DNAH8: variants seen among roughly 807,000 people sequenced by gnomAD.
DNAH8 encodes dynein axonemal heavy chain 8.
DNAH8 carries 382 observed loss-of-function variants against 562.1 expected under a neutral mutation model. The observed-to-expected ratio is 0.68, with a 90% CI of 0.63 to 0.74. The LOEUF is 0.74. Ranked by LOEUF, DNAH8 falls within the 30% of genes least tolerant of loss-of-function variation. The pLI is 0.00. For synonymous variants in DNAH8, 1,881 were observed against 1,919.4 expected (o/e 0.98, Z 0.52); for missense variants, 5,203 against 5,620.4 (o/e 0.93, Z 2.37).
rs189023122 is a variant in DNAH8 at position 39,008,899 on chromosome 6, C to T, written c.13300C>T (p.Arg4434Trp). Residue 4434 changes from arginine to tryptophan, a missense_variant, in exon 89 of 93, where the codon CGG becomes TGG. Arg to Trp is a moderately radical substitution (Grantham distance 101, BLOSUM62 -3). Coordinates refer to ENST00000327475, the MANE Select transcript of DNAH8 (RefSeq NM_001206927.2). ...KESGGGVGET[R>W]EAIVYRLSED... ...GAGTGGAGGTGGTGTGGGAGAGACC[C>T]GGGAGGCTATTGTTTATAGATTATC... is the stretch of plus-strand genomic sequence containing the variant. 5.1e-4 allele frequency: 814 copies of T among 1,607,380 alleles called. 1 individual carries two copies. Among genetic ancestry groups the T allele is most frequent in the Non-Finnish European group, 5.6e-4 (654 of 1,174,208 alleles).
chr6:38,771,811 T>C (rs1767603035), intron 12 of DNAH8, among the ~76,000 whole-genome samples: 1 of 152,202 alleles, frequency 6.6e-6, no homozygotes, highest in African/African-American at 2.4e-5. Context: ...TGGGATTATT[T>C]CCTCTTTTTG....
chr6:39,009,029 T>G (rs895067711), intron 89 of DNAH8, 59 bp downstream of exon 89: 1 of 1,258,502 alleles, frequency 7.9e-7, no homozygotes, highest in Admixed American at 2.2e-5. Context: ...AAACAGTAAG[T>G]TTGATTACCT....
At chr6:38,913,244 T>C (rs1273210934) in intron 66 of DNAH8, among the ~76,000 whole-genome samples, 2 of 152,178 alleles carry the variant, frequency 1.3e-5, no homozygotes, top group African/African-American at 4.8e-5. Context: ...ACTACAGAAA[T>C]TGGACAATAT....
chr6:38,984,923 C>G (rs149230068), intron 87 of DNAH8, among the ~76,000 whole-genome samples: 6 of 152,326 alleles, frequency 3.9e-5, no homozygotes, highest in Non-Finnish European at 5.9e-5. Context: ...GCCTCTCCCC[C>G]ACTGCCCCTC....
chr6:38,983,740 T>G (rs1249535027), intron 86 of DNAH8, among the ~76,000 whole-genome samples: 1 of 152,202 alleles, frequency 6.6e-6, no homozygotes, highest in Non-Finnish European at 1.5e-5. Flanking sequence ...GGCAGAGGAT[T>G]GCATTGAGGA....
chr6:38,933,336 T>C (rs147856385), intron 76 of DNAH8, among the ~76,000 whole-genome samples: 2 of 152,250 alleles, frequency 1.3e-5, no homozygotes, highest in African/African-American at 4.8e-5. Flanking sequence ...GAGAAAAAAA[T>C]GCACATTTAA....
rs142545085 is a variant in DNAH8, at chr6:38,919,916, C to T, written c.10525-1453C>T. ...ACATACACATGAAATTTAAGGAAAT[C>T]GGAATAGAGCCAATAAAAATAACAT... On this transcript the variant is annotated intron_variant, in intron 70 of 92. Coordinates refer to ENST00000327475, the MANE Select transcript of DNAH8 (RefSeq NM_001206927.2). 1.5e-3 allele frequency among the ~76,000 whole-genome samples: 234 copies of T among 151,960 alleles called. 1 individual carries two copies. The highest frequency in any genetic ancestry group is 4.8e-3 in the African/African-American group (198 of 41,402).
chr6:38,906,019 C>T (rs1189829845), intron 62 of DNAH8, among the ~76,000 whole-genome samples: 1 of 152,006 alleles, frequency 6.6e-6, no homozygotes, highest in Non-Finnish European at 1.5e-5. Flanking sequence ...GATTCTCCTG[C>T]CTCAGCCTCC....
At position 38,822,929 on chromosome 6, in the gene DNAH8, C is replaced by G. The variant is rs1215553800; in HGVS notation, c.3615C>G (p.Leu1205=). 6.2e-7 allele frequency: 1 copy of G among 1,613,694 alleles called. No homozygotes were observed. Among genetic ancestry groups the G allele is most frequent in the Non-Finnish European group, 8.5e-7 (1 of 1,179,858 alleles). Residue 1205 remains leucine, a synonymous_variant, in exon 27 of 93, where the codon CTC becomes CTG. Transcript: ENST00000327475. ...AGGATATTTCTAAGTTGGTCCTGCTCCTTTCTTCCTCTGTAAATTCCCTAA... is the reference window on the plus strand; with the variant it reads ...AGGATATTTCTAAGTTGGTCCTGCTGCTTTCTTCCTCTGTAAATTCCCTAA... ...EHKDISKLVL[L]LSSSVNSLRK... is the part of the protein sequence containing the mutation.
At chr6:38,868,414 C>T (rs1300658084) in intron 48 of DNAH8, among the ~76,000 whole-genome samples, 2 of 152,142 alleles carry the variant, frequency 1.3e-5, no homozygotes, top group African/African-American at 4.8e-5. Flanking sequence ...CAGCTGTGTG[C>T]AGTGAAACAG....
rs370590661 is a variant in DNAH8, at chr6:38,770,476, G to A, written c.1681G>A (p.Glu561Lys). The change falls in exon 12 of 93, where the codon GAA becomes AAA. Residue 561 changes from glutamate (E) to lysine (K), a missense_variant. Around this residue, in one of 6 missense-constraint regions of DNAH8, gnomAD observed 2,176 missense variants for 2,365.1 expected, o/e 0.92. Coordinates refer to ENST00000327475, the MANE Select transcript of DNAH8 (RefSeq NM_001206927.2). ...SFHKTRKLIS[E>K]SSGEKSFEVS... is the part of the protein sequence containing the mutation. ...TCATAAAACAAGGAAACTGATTTCA[G>A]AATCCTCAGGGGAAAAATCTTTTGA... 3.7e-6 allele frequency: 6 copies of A among 1,608,398 alleles called. No individual in the cohort carries two copies. The highest frequency in any genetic ancestry group is 1.7e-4 in the Middle Eastern group (1 of 6,042).
intron 21 of DNAH8, 115 bp downstream of exon 21, chr6:38,791,789 T>C (rs879132485): frequency 5.9e-5 from 66 of 1,112,998 alleles, no homozygotes; most frequent in Admixed American, 4.4e-4. Flanking sequence ...CTTTTTTTTT[T>C]TGTTTTTTGT....
At chr6:38,977,553 C>T (rs1763755639) in intron 85 of DNAH8, among the ~76,000 whole-genome samples, 1 of 152,136 alleles carries the variant, frequency 6.6e-6, no homozygotes, top group African/African-American at 2.4e-5. Context: ...TTCTCTCTGG[C>T]CTCGGTATTC....
rs769265494 is a variant in DNAH8, at chr6:38,866,890, T to A, written c.6693+14T>A. ...CTTACTAAACAGGTAACTTTATAGATCTGCTTTCCTCCTAGCAATAGTATT... is the reference window on the plus strand; with the variant it reads ...CTTACTAAACAGGTAACTTTATAGAACTGCTTTCCTCCTAGCAATAGTATT... On this transcript the variant is annotated intron_variant, in intron 47 of 92. Coordinates refer to ENST00000327475, the MANE Select transcript of DNAH8 (RefSeq NM_001206927.2). The A allele has an allele frequency of 5.4e-6, 8 of 1,479,090 alleles. No homozygotes were observed. Among genetic ancestry groups the A allele is most frequent in the Non-Finnish European group, 7.5e-6 (8 of 1,063,404 alleles). 91.6% of individuals were successfully genotyped at this position (1,479,090 alleles called of 1,614,324 possible).
intron 13 of DNAH8, among the ~76,000 whole-genome samples, chr6:38,777,673 T>C (rs920304371): frequency 7.2e-5 from 11 of 152,090 alleles, no homozygotes; most frequent in African/African-American, 2.7e-4. Flanking sequence ...CCTCAAGCTA[T>C]CCTCCCATCT....
chr6:38,984,291 T>G lies in DNAH8; in HGVS notation c.13037T>G (p.Leu4346Arg). The part of the protein sequence containing the change: ...RVTDDFDKRL[L>R]NCFARVWFSE... ...ACAGATGACTTTGACAAACGTCTAC[T>G]TAATTGCTTTGCCAGAGTAAGTCAA... The change falls in exon 87 of 93, where the codon CTT becomes CGT. Residue 4346 changes from leucine (L) to arginine (R), a missense_variant. Around this residue, in one of 6 missense-constraint regions of DNAH8, gnomAD observed 1,399 missense variants for 1,518.4 expected, o/e 0.92. Coordinates refer to ENST00000327475, the MANE Select transcript of DNAH8 (RefSeq NM_001206927.2). The G allele has an allele frequency of 3.1e-6, 5 of 1,603,000 alleles. No homozygotes were observed. The highest frequency in any genetic ancestry group is 4.3e-6 in the Non-Finnish European group (5 of 1,169,820).
At chr6:38,725,056 A>G (rs1231974301) in intron 3 of DNAH8, among the ~76,000 whole-genome samples, 1 of 152,066 alleles carries the variant, frequency 6.6e-6, no homozygotes, top group Non-Finnish European at 1.5e-5. Context: ...TAATCCAAGC[A>G]CTTTGGGAAG....
At chr6:38,930,271 A>G (rs906592194) in intron 75 of DNAH8, among the ~76,000 whole-genome samples, 5 of 152,140 alleles carry the variant, frequency 3.3e-5, no homozygotes, top group African/African-American at 7.2e-5. Context: ...TTCAATTTGT[A>G]TAAGTGTTTC....
chr6:38,723,390 C>G lies in DNAH8; in HGVS notation c.444C>G (p.Tyr148Ter). 6.2e-7 allele frequency: 1 copy of G among 1,612,360 alleles called. No individual in the cohort carries two copies. Among genetic ancestry groups the G allele is most frequent in the Non-Finnish European group, 8.5e-7 (1 of 1,179,780 alleles). The change falls in exon 3 of 93, where the codon TAC becomes TAG. Residue 148 changes from tyrosine to a stop codon, truncating the protein, a stop_gained. Coordinates refer to ENST00000327475, the MANE Select transcript of DNAH8 (RefSeq NM_001206927.2). LOFTEE classifies it high-confidence loss of function. Reference sequence around the variant, plus strand: ...GAAGACTGAAAATTGACCCTTCATACAAATATATATTTGAAATTCTAGCAG... The same window carrying G: ...GAAGACTGAAAATTGACCCTTCATAGAAATATATATTTGAAATTCTAGCAG... The part of the protein sequence containing the change: ...ESRRLKIDPS[Y>*]KYIFEILAEN...
Sources: allele counts gnomAD v4.1 joint callset (sites outside exome capture counted in the v4.1 genomes callset), GRCh38; gene constraint gnomAD v4.1.1; regional missense constraint gnomAD v4.1.1; transcripts MANE v1.5; gene names NCBI Gene and HGNC (gene_info 2026-07-23, HGNC 2026-07-21).